The following DLG2 variants were observed in gnomAD, a reference collection of about 807,000 sequenced individuals.
DLG2 encodes discs large MAGUK scaffold protein 2.
A neutral mutation model predicts 132.5 loss-of-function variants in DLG2; 45 were observed. That is an observed-to-expected ratio of 0.34 (90% CI 0.27 to 0.44). The LOEUF (loss-of-function observed/expected upper bound fraction) is 0.44. DLG2 is among the 20% of genes least tolerant of loss of function. The pLI, the probability that DLG2 is intolerant of heterozygous loss-of-function variation, is 1.00. For missense variants in DLG2, 1,045 were observed against 1,196.9 expected, an observed-to-expected ratio of 0.87 and a Z score of 1.87; for synonymous variants, 424 against 419.6, an observed-to-expected ratio of 1.01 and a Z score of -0.13.
chr11:83,840,269 G>T (rs937971407), intron 16 of DLG2, among the ~76,000 whole-genome samples: 1 of 152,140 alleles, frequency 6.6e-6, no homozygotes, highest in Non-Finnish European at 1.5e-5. Context: ...AAGAAAATGT[G>T]AACTCCTAGA....
chr11:84,732,861 A>G (rs1056270934), intron 6 of DLG2, among the ~76,000 whole-genome samples: 9 of 150,476 alleles, frequency 6.0e-5, no homozygotes, highest in South Asian at 2.1e-4. Context: ...TCATTGTTCA[A>G]TTCCCACCTA....
At chr11:85,431,928 T>C (rs999295678) in intron 3 of DLG2, among the ~76,000 whole-genome samples, 1 of 152,156 alleles carries the variant, frequency 6.6e-6, no homozygotes, top group Middle Eastern at 3.2e-3. Flanking sequence ...ATCAGGTCGG[T>C]GCCCCTTTAA....
rs536003278 is a variant in DLG2 at position 85,390,579 on chromosome 11, T to C, written c.41-105214A>G. Among the ~76,000 whole-genome samples the C allele has an allele frequency of 4.6e-5, 7 of 152,146 alleles. No homozygotes were observed. The South Asian group carries it at 1.5e-3, about 32-fold the overall frequency. On this transcript the variant is annotated intron_variant, in intron 3 of 27. Coordinates refer to ENST00000376104, the MANE Select transcript of DLG2 (RefSeq NM_001142699.3). ...AACAAATTTAAGAAAATCTAAATTA[T>C]AGCAAGTATTCTCTCAGACCACAGT...
intron 3 of DLG2, among the ~76,000 whole-genome samples, chr11:85,568,789 G>A (rs1229774958): frequency 6.6e-6 from 1 of 151,744 alleles, no homozygotes; most frequent in Non-Finnish European, 1.5e-5. Context: ...AGTTATTTGA[G>A]TCATCTCTCT....
intron 2 of DLG2, among the ~76,000 whole-genome samples, chr11:85,620,927 A>G (rs1246082279): frequency 6.6e-6 from 1 of 152,268 alleles, no homozygotes; most frequent in Non-Finnish European, 1.5e-5. Context: ...AATTCAGACA[A>G]AATAGCCTTA....
At chr11:83,901,324 T>C (rs1388379869) in intron 15 of DLG2, among the ~76,000 whole-genome samples, 3 of 151,840 alleles carry the variant, frequency 2.0e-5, no homozygotes, top group Non-Finnish European at 2.9e-5. Context: ...AGACATGAGA[T>C]TTGGGAGGGG....
At chr11:84,819,118 A>G (rs1342651405) in intron 6 of DLG2, among the ~76,000 whole-genome samples, 1 of 75,004 alleles carries the variant, frequency 1.3e-5, no homozygotes, top group Non-Finnish European at 3.6e-5. Flanking sequence ...ATTTCGTTTG[A>G]TGCTTACAAC....
At chr11:84,090,935 G>A (rs1054149227) in intron 10 of DLG2, among the ~76,000 whole-genome samples, 1 of 152,110 alleles carries the variant, frequency 6.6e-6, no homozygotes, top group South Asian at 2.1e-4. Flanking sequence ...TACTGATACA[G>A]GGAAAGGTCT....
chr11:83,486,859 A>G (rs1296900271), intron 21 of DLG2, among the ~76,000 whole-genome samples: 3 of 152,090 alleles, frequency 2.0e-5, no homozygotes, highest in Non-Finnish European at 4.4e-5. Flanking sequence ...CATGTTTAGG[A>G]TCTTAGCTAA....
At chr11:84,344,493 C>G (rs2098530392) in intron 7 of DLG2, among the ~76,000 whole-genome samples, 1 of 152,118 alleles carries the variant, frequency 6.6e-6, no homozygotes, top group African/African-American at 2.4e-5. Flanking sequence ...GAAAGTAGAA[C>G]CAACTCAGAG....
chr11:84,251,806 A>G (rs995824049), intron 7 of DLG2, among the ~76,000 whole-genome samples: 13 of 151,766 alleles, frequency 8.6e-5, no homozygotes, highest in Non-Finnish European at 1.8e-4. Flanking sequence ...ACACCCAGCT[A>G]ACTGCTGTAT....
intron 6 of DLG2, among the ~76,000 whole-genome samples, chr11:84,855,299 G>A (rs1469024502): frequency 6.6e-6 from 1 of 152,018 alleles, no homozygotes; most frequent in Non-Finnish European, 1.5e-5. Flanking sequence ...TCATGAGCAA[G>A]GTTTTGGTAT....
At chr11:84,608,043 A>G (rs1329896296) in intron 6 of DLG2, among the ~76,000 whole-genome samples, 1 of 152,192 alleles carries the variant, frequency 6.6e-6, no homozygotes, top group Non-Finnish European at 1.5e-5. Context: ...TGAGAAAAGC[A>G]ACCTCTAACC....
chr11:83,995,283 T>C (rs1374912075), intron 11 of DLG2, among the ~76,000 whole-genome samples: 1 of 152,172 alleles, frequency 6.6e-6, no homozygotes, highest in Admixed American at 6.6e-5. Context: ...AGGCAGGTTG[T>C]ATCATGCAAA....
chr11:83,850,983 T>C (rs1565340684), intron 16 of DLG2, among the ~76,000 whole-genome samples: 2 of 152,052 alleles, frequency 1.3e-5, no homozygotes, highest in Non-Finnish European at 2.9e-5. Flanking sequence ...GAGATCATCC[T>C]GGCTAACACG....
At chr11:85,574,178 T>A (rs560057086) in intron 3 of DLG2, among the ~76,000 whole-genome samples, 2 of 152,090 alleles carry the variant, frequency 1.3e-5, no homozygotes, top group African/African-American at 4.8e-5. Context: ...TTAATAAAAA[T>A]TTTTCATATT....
chr11:83,712,935 G>A (rs992446552), intron 18 of DLG2, among the ~76,000 whole-genome samples: 4 of 150,820 alleles, frequency 2.7e-5, no homozygotes, highest in Non-Finnish European at 5.9e-5. Flanking sequence ...TAATAAACCT[G>A]CGCATCCTGC....
rs554616922 is a variant in DLG2, at chr11:85,599,511, C to A, written c.-92-723G>T. 8.8e-5 allele frequency among the ~76,000 whole-genome samples: 13 copies of A among 148,564 alleles called. No individual in the cohort carries two copies. In the East Asian group the frequency reaches 2.3e-3, roughly 27 times the overall value. ...TTGTCAGGCAAATCTAGGTATGACCCAGATCTTACTTACTAGCTGTGTGTG... is the reference window on the plus strand; with the variant it reads ...TTGTCAGGCAAATCTAGGTATGACCAAGATCTTACTTACTAGCTGTGTGTG... On this transcript the variant is annotated intron_variant, in intron 2 of 27. Coordinates refer to ENST00000376104, the MANE Select transcript of DLG2 (RefSeq NM_001142699.3).
At chr11:84,340,964 C>T (rs1343408373) in intron 7 of DLG2, among the ~76,000 whole-genome samples, 2 of 152,014 alleles carry the variant, frequency 1.3e-5, no homozygotes, top group Non-Finnish European at 2.9e-5. Flanking sequence ...TACATTCTAT[C>T]CAGATGAATA....
Sources: gnomAD v4.1 joint callset for allele counts (sites outside exome capture counted in the v4.1 genomes callset) on GRCh38, gnomAD v4.1.1 for gene constraint, MANE v1.5 for transcripts, NCBI Gene and HGNC (gene_info 2026-07-23, HGNC 2026-07-21) for gene names.